Variants in MEF2C observed in about 807,000 individuals in gnomAD.
MEF2C encodes myocyte-specific enhancer factor 2C.
Under a neutral mutation model 50.5 loss-of-function variants are expected in MEF2C, and 6 were observed. The ratio of observed to expected loss-of-function variants is 0.12; its 90% CI spans 0.07 to 0.23. MEF2C has a LOEUF of 0.23. Ranked by LOEUF, MEF2C falls within the 10% of genes least tolerant of loss-of-function variation. MEF2C has a pLI of 1.00. For synonymous variants in MEF2C, 183 were observed against 228.0 expected, an observed-to-expected ratio of 0.80 and a Z score of 1.78; for missense variants, 276 against 605.0, an observed-to-expected ratio of 0.46 and a Z score of 5.70.
chr5:88,896,276 G>T (rs1835106897), intron 1 of MEF2C, among the ~76,000 whole-genome samples: 1 of 152,118 alleles, frequency 6.6e-6, no homozygotes, highest in Admixed American at 6.5e-5. Context: ...TATGAGGCAG[G>T]CAGCCACTGC....
At chr5:88,729,985 T>A (rs953413796) in intron 8 of MEF2C, among the ~76,000 whole-genome samples, 7 of 151,828 alleles carry the variant, frequency 4.6e-5, no homozygotes, top group African/African-American at 1.7e-4. Flanking sequence ...TGAATTTTAC[T>A]ATAAATTGTC....
At chr5:88,805,388 A>G (rs1799960437) in intron 2 of MEF2C, among the ~76,000 whole-genome samples, 3 of 152,126 alleles carry the variant, frequency 2.0e-5, no homozygotes, top group Non-Finnish European at 4.4e-5. Flanking sequence ...TCTTCTGTGT[A>G]TCTTTCTTCT....
intron 1 of MEF2C, among the ~76,000 whole-genome samples, chr5:88,860,667 T>C (rs1290400363): frequency 6.6e-6 from 1 of 152,186 alleles, no homozygotes; most frequent in Non-Finnish European, 1.5e-5. Context: ...ACCACATGCA[T>C]GACATTAAGA....
At chr5:88,899,348 G>A (rs1835411618) in intron 1 of MEF2C, among the ~76,000 whole-genome samples, 1 of 152,078 alleles carries the variant, frequency 6.6e-6, no homozygotes. Context: ...TTGCAGACAG[G>A]AACCCACCAA....
intron 6 of MEF2C, chr5:88,741,708 A>G (rs946818456): frequency 2.7e-5 from 27 of 982,348 alleles, no homozygotes; most frequent in Non-Finnish European, 3.3e-5. Context: ...TATACTTTAA[A>G]TACAACATAA....
At chr5:88,830,047 C>T (rs1812436402) in intron 1 of MEF2C, among the ~76,000 whole-genome samples, 2 of 151,994 alleles carry the variant, frequency 1.3e-5, no homozygotes, top group South Asian at 2.1e-4. Flanking sequence ...GAAGATCTCA[C>T]TTTCCAAAGC....
At chr5:88,729,843 G>A (rs962334307) in intron 8 of MEF2C, among the ~76,000 whole-genome samples, 1 of 152,064 alleles carries the variant, frequency 6.6e-6, no homozygotes, top group Non-Finnish European at 1.5e-5. Context: ...AGATGGCAAA[G>A]CAGCTAATGC....
intron 2 of MEF2C, among the ~76,000 whole-genome samples, chr5:88,817,104 C>T (rs1250779365): frequency 2.0e-5 from 3 of 151,816 alleles, no homozygotes; most frequent in South Asian, 2.1e-4. Flanking sequence ...TGGAATTCAC[C>T]GAAAAATTAT....
At chr5:88,751,063 G>T (rs1277685570) in intron 5 of MEF2C, 1 of 981,354 alleles carries the variant, frequency 1.0e-6, no homozygotes, top group African/African-American at 1.8e-5. Context: ...CATTGACTTG[G>T]TTCCTACTGT....
chr5:88,837,326 A>AG (rs2153275916), intron 1 of MEF2C, among the ~76,000 whole-genome samples: 1 of 152,346 alleles, frequency 6.6e-6, no homozygotes, highest in Non-Finnish European at 1.5e-5. Context: ...TTATAAAAAA[A>AG]GTGCAAACAT....
rs532472771 is a variant in MEF2C at position 88,814,217 on chromosome 5, ATTC to A, written c.55-9419_55-9417del. On this transcript the variant is annotated intron_variant, in intron 2 of 10. Transcript: ENST00000504921. The stretch of plus-strand genomic sequence containing the variant: ...AGTAATGGCACAAATGTTCTAAAGT[ATTC>A]TTCTTCAGTTTTATTTTGTTTAATT... Among the ~76,000 whole-genome samples the A allele has an allele frequency of 2.2e-4, 33 of 151,788 alleles. 1 individual carries two copies. The East Asian group carries it at 4.7e-3, about 22-fold the overall frequency.
chr5:88,778,827 A>G (rs950661857), intron 3 of MEF2C, among the ~76,000 whole-genome samples: 2 of 152,248 alleles, frequency 1.3e-5, no homozygotes. Context: ...ACTGCAGAAG[A>G]GCTTCAAGAA....
chr5:88,764,514 A>G (rs2152707829), intron 3 of MEF2C, among the ~76,000 whole-genome samples: 1 of 152,302 alleles, frequency 6.6e-6, no homozygotes, highest in Non-Finnish European at 1.5e-5. Context: ...GCTGAAATAA[A>G]TGAAGTAGAA....
intron 3 of MEF2C, among the ~76,000 whole-genome samples, chr5:88,779,303 A>C (rs1396832864): frequency 6.6e-6 from 1 of 152,166 alleles, no homozygotes; most frequent in African/African-American, 2.4e-5. Context: ...CATAGTTCAA[A>C]GTCTGCTTCC....
chr5:88,833,384 T>C (rs1813780240), intron 1 of MEF2C, among the ~76,000 whole-genome samples: 1 of 152,162 alleles, frequency 6.6e-6, no homozygotes, highest in Non-Finnish European at 1.5e-5. Context: ...TTTTAGAGCA[T>C]GCTTCTGCTA....
chr5:88,738,377 G>A (rs1222569634), intron 6 of MEF2C: 25 of 984,732 alleles, frequency 2.5e-5, no homozygotes, highest in Non-Finnish European at 1.4e-5. Flanking sequence ...ACTTGTAACT[G>A]CTATGTAAGT....
intron 1 of MEF2C, among the ~76,000 whole-genome samples, chr5:88,890,510 C>G (rs146910556): frequency 2.0e-5 from 3 of 152,252 alleles, no homozygotes; most frequent in African/African-American, 7.2e-5. Context: ...TAAATTCTGT[C>G]CCTCAGTTCC....
Position 88,736,903 on chromosome 5 carries a change from T to C in MEF2C, c.638-5002A>G, listed in dbSNP as rs968843673. 92 of 985,276 alleles carry C rather than the reference T, an allele frequency of 9.3e-5. No homozygotes were observed. The African/African-American group carries it at 1.5e-3, about 16-fold the overall frequency. The allele number at this position is 985,276 out of a possible 1,614,324, so 61.0% of individuals were successfully genotyped here. A position where few individuals can be genotyped will look rare whatever the true frequency, so the allele number is the denominator to read the frequency against. ...TGGCAGTATTGGCTCTCCTGTTTAA[T>C]TCAAATTTATCTTTTAAGGATCAAC... On this transcript the variant is annotated intron_variant, in intron 6 of 10. Coordinates refer to ENST00000504921, the MANE Select transcript of MEF2C (RefSeq NM_002397.5).
chr5:88,789,104 ATAAAATAAGTTACTATTAT>A (rs1307580225), intron 3 of MEF2C, among the ~76,000 whole-genome samples: 1 of 152,138 alleles, frequency 6.6e-6, no homozygotes, highest in Admixed American at 6.5e-5. Flanking sequence ...TTCAGAAATT[ATAAAATAAGTTACTATTAT>A]TAAAATAAGT....
Sources: allele counts gnomAD v4.1 joint callset (sites outside exome capture counted in the v4.1 genomes callset), GRCh38; gene constraint gnomAD v4.1.1; transcripts MANE v1.5; gene names NCBI Gene and HGNC (gene_info 2026-07-23, HGNC 2026-07-21).